The following TMEM67 variants were observed in gnomAD, a reference collection of about 807,000 sequenced individuals.
The protein encoded by TMEM67 is transmembrane protein 67.
In TMEM67, 124 loss-of-function variants were observed where a neutral mutation model predicts 136.6. The observed-to-expected ratio is 0.91, with a 90% confidence interval of 0.78 to 1.05. The LOEUF (loss-of-function observed/expected upper bound fraction) is 1.05. TMEM67 is among the 50% of genes least tolerant of loss of function. TMEM67 has a pLI of 0.00. For synonymous variants in TMEM67, 364 were observed against 390.5 expected, an observed-to-expected ratio of 0.93 and a Z score of 0.80; for missense variants, 1,107 against 1,178.4, an observed-to-expected ratio of 0.94 and a Z score of 0.89.
chr8:93,827,579 C>CTTTT, the TMEM67 span, among the ~76,000 whole-genome samples: 6 of 136,478 alleles, frequency 4.4e-5, no homozygotes, highest in African/African-American at 1.6e-4. Context: ...TGTATTTTTT[C>CTTTT]TTTTTTTTTT....
intron 7 of TMEM67, among the ~76,000 whole-genome samples, chr8:93,779,191 T>G (rs7837274): frequency 0.65 from 98,575 of 151,552 alleles, 32,642 homozygotes; most frequent in East Asian, 0.82. Flanking sequence ...TTGTGCCATG[T>G]CTTTTAGCTC....
chr8:93,805,353 G>A lies in TMEM67; in HGVS notation c.2439+475G>A, dbSNP rs1237782968. 1.3e-3 allele frequency among the ~76,000 whole-genome samples: 194 copies of A among 152,102 alleles called. 4 individuals carry two copies. Among genetic ancestry groups the A allele is most frequent in the Non-Finnish European group, 1.0e-4 (7 of 68,006 alleles). Reference sequence around the variant, plus strand: ...AATCCCAGCACTTTGGGAGGCCGAGGTGGGCAGATCACGAGGTCAGGAGAT... The same window carrying A: ...AATCCCAGCACTTTGGGAGGCCGAGATGGGCAGATCACGAGGTCAGGAGAT... On this transcript the variant is annotated intron_variant, in intron 23 of 27. Coordinates refer to ENST00000453321, the MANE Select transcript of TMEM67 (RefSeq NM_153704.6).
chr8:93,814,541 G>A (rs535088791), intron 26 of TMEM67, among the ~76,000 whole-genome samples: 2 of 150,410 alleles, frequency 1.3e-5, no homozygotes, highest in Admixed American at 6.7e-5. Context: ...TTAATAGCTC[G>A]CTATAACCTC....
intron 26 of TMEM67, 71 bp from the exon 27 acceptor site, chr8:93,815,234 C>T (rs1358388036): frequency 9.3e-7 from 1 of 1,080,574 alleles, no homozygotes; most frequent in Non-Finnish European, 1.3e-6. Flanking sequence ...CAGATTTTGT[C>T]ACCAGAAGTT....
chr8:93,827,344 C>T, the TMEM67 span, among the ~76,000 whole-genome samples: 1 of 152,086 alleles, frequency 6.6e-6, no homozygotes, highest in African/African-American at 2.4e-5. Context: ...TGATAGTTGC[C>T]TGTGGAATAT....
intron 2 of TMEM67, 39 bp downstream of exon 2, chr8:93,755,905 A>C (rs1192184568): frequency 1.8e-6 from 2 of 1,120,378 alleles, no homozygotes; most frequent in Admixed American, 3.6e-5. Flanking sequence ...ACCTGTAAAA[A>C]GTAGTAAGTT....
chr8:93,811,968 G>A (rs1364367064), intron 26 of TMEM67, among the ~76,000 whole-genome samples: 1 of 151,856 alleles, frequency 6.6e-6, no homozygotes, highest in East Asian at 2.0e-4. Flanking sequence ...TGGCCAATAT[G>A]GTGAAACCCT....
chr8:93,789,992 C>G (rs1056553728), intron 14 of TMEM67, among the ~76,000 whole-genome samples: 1 of 151,868 alleles, frequency 6.6e-6, no homozygotes, highest in East Asian at 1.9e-4. Flanking sequence ...GCAGGAGAAT[C>G]GCTTGAACCT....
Position 93,797,149 on chromosome 8 carries a change from C to T in TMEM67, c.1876C>T (p.His626Tyr). ...TCATTCTCAGGCACTACAATTTTTG[C>T]ATAAGCTCATATCCCAGATTACAAT... ...AFALKALQFL[H>Y]KLISQITIDV... is the part of the protein sequence containing the mutation. Residue 626 changes from histidine (H) to tyrosine (Y), a missense_variant, in exon 19 of 28, where the codon CAT becomes TAT. Coordinates refer to ENST00000453321, the MANE Select transcript of TMEM67 (RefSeq NM_153704.6). 1 of 1,608,262 alleles carries T rather than the reference C, an allele frequency of 6.2e-7. No homozygotes were observed. The highest frequency in any genetic ancestry group is 8.5e-7 in the Non-Finnish European group (1 of 1,175,248).
intron 17 of TMEM67, 58 bp downstream of exon 17, chr8:93,795,565 C>T (rs1057158382): frequency 2.1e-6 from 3 of 1,396,498 alleles, no homozygotes; most frequent in African/African-American, 1.4e-5. Context: ...GAAAAGCTTT[C>T]TTTATAAAGG....
In TMEM67 at chr8:93,758,517, C is replaced by T. The variant is rs1187712756; in HGVS notation, c.347C>T (p.Ser116Phe). The part of the protein sequence containing the change: ...GVTEDGWNCI[S>F]CPSDLTAEGK... ...ACAGAAGATGGCTGGAACTGCATTT[C>T]TTGCCCTAGTGACTTAACTGCCGAA... Residue 116 changes from serine to phenylalanine, a missense_variant, in exon 3 of 28, where the codon TCT (serine) becomes TTT (phenylalanine). By Grantham distance (155) the Ser-to-Phe change is radical (BLOSUM62 -2). This residue lies in a region of TMEM67 where 178 missense variants were observed against 159.2 expected (regional missense o/e 1.12). Coordinates refer to ENST00000453321, the MANE Select transcript of TMEM67 (RefSeq NM_153704.6). 6.2e-7 allele frequency: 1 copy of T among 1,613,820 alleles called. No individual in the cohort carries two copies. The highest frequency in any genetic ancestry group is 1.3e-5 in the African/African-American group (1 of 74,922).
At chr8:93,772,025 A>G (rs1170619885) in intron 6 of TMEM67, among the ~76,000 whole-genome samples, 1 of 152,156 alleles carries the variant, frequency 6.6e-6, no homozygotes. Flanking sequence ...TTTTTTAGCC[A>G]GAGGTTTGTT....
At chr8:93,772,796 T>C (rs1354552839) in intron 7 of TMEM67, 145 bp downstream of exon 7, 2 of 622,418 alleles carry the variant, frequency 3.2e-6, no homozygotes, top group African/African-American at 3.7e-5. Context: ...TCTTGTGGGC[T>C]GAAAGAGAAT....
At position 93,809,164 on chromosome 8, in the gene TMEM67, A is replaced by G. The variant is rs568703831; in HGVS notation, c.2661+3A>G. The G allele has an allele frequency of 7.0e-5, 102 of 1,447,134 alleles. No individual in the cohort carries two copies. In the South Asian group the frequency reaches 1.1e-3, roughly 15 times the overall value. 89.6% of individuals were successfully genotyped at this position (1,447,134 alleles called of 1,614,324 possible). ...TTCTTGGCTCCTTCATTGACCATGT[A>G]TGTATGTCAACATTTATATTTAAGC... is the stretch of plus-strand genomic sequence containing the variant. On this transcript the variant is annotated splice_donor_region_variant and intron_variant, in intron 25 of 27. Transcript: ENST00000453321.
rs1203576144 is a variant in TMEM67 at position 93,763,763 on chromosome 8, T to C, written c.407-79T>C. The C allele has an allele frequency of 4.2e-6, 4 of 954,458 alleles. No individual in the cohort carries two copies. In the African/African-American group the frequency reaches 6.6e-5, roughly 16 times the overall value. The allele number at this position is 954,458 out of a possible 1,614,324, so 59.1% of individuals were successfully genotyped here. On this transcript the variant is annotated intron_variant, in intron 3 of 27. Transcript: ENST00000453321. ...TAGAATAATAGTTACAATTGGGTTT[T>C]GTTAAATATTTTCTGAATATGTAGA...
intron 20 of TMEM67, 60 bp downstream of exon 20, chr8:93,797,530 A>G: frequency 6.7e-7 from 1 of 1,495,734 alleles, no homozygotes; most frequent in South Asian, 1.2e-5. Flanking sequence ...TATTAAACTA[A>G]TATAATTCCA....
rs745935752 is a variant in TMEM67 at position 93,763,894 on chromosome 8, T to A, written c.459T>A (p.Cys153Ter). The part of the protein sequence containing the change: ...TLLSQATCEL[C>*]DGNENSFMVV... ...TGTCTCAAGCAACTTGTGAGCTCTG[T>A]GATGGAAATGAAAACTCTTTTATGG... Residue 153 changes from cysteine (C) to a stop codon, truncating the protein, a stop_gained, in exon 4 of 28, where the codon TGT becomes TGA. Coordinates refer to ENST00000453321, the MANE Select transcript of TMEM67 (RefSeq NM_153704.6). LOFTEE classifies it high-confidence loss of function. 2.5e-6 allele frequency: 4 copies of A among 1,613,944 alleles called. No homozygotes were observed. The highest frequency in any genetic ancestry group is 3.4e-6 in the Non-Finnish European group (4 of 1,179,886).
At chr8:93,820,996 A>G (rs1193580869), downstream of TMEM67, among the ~76,000 whole-genome samples, 7 of 152,340 alleles carry the variant, frequency 4.6e-5, no homozygotes, top group African/African-American at 1.4e-4. Flanking sequence ...CCCAAGGATA[A>G]ATAAATAATC....
intron 5 of TMEM67, 31 bp from the exon 6 acceptor site, chr8:93,765,541 C>T (rs1563680649): frequency 2.5e-6 from 4 of 1,600,672 alleles, no homozygotes; most frequent in Non-Finnish European, 2.6e-6. Flanking sequence ...TTTTCATAAG[C>T]TTCTATTTTT....
Sources: allele counts gnomAD v4.1 joint callset (sites outside exome capture counted in the v4.1 genomes callset), GRCh38; gene constraint gnomAD v4.1.1; regional missense constraint gnomAD v4.1.1; transcripts MANE v1.5; gene names NCBI Gene and HGNC (gene_info 2026-07-23, HGNC 2026-07-21).